Variants in COL25A1 observed in about 807,000 individuals in gnomAD.
The protein encoded by COL25A1 is collagen alpha-1(XXV) chain.
COL25A1 carries 103 observed loss-of-function variants against 128.4 expected under a neutral mutation model. The ratio of observed to expected loss-of-function variants is 0.80; its 90% CI spans 0.68 to 0.94. The LOEUF is 0.94. COL25A1 is among the 40% of genes least tolerant of loss of function. The pLI is 0.00. For synonymous variants in COL25A1, 279 were observed against 277.2 expected, an observed-to-expected ratio of 1.01 and a Z score of -0.06; for missense variants, 745 against 840.0, an observed-to-expected ratio of 0.89 and a Z score of 1.40.
chr4:109,067,872 G>T (rs1762587468), intron 3 of COL25A1, among the ~76,000 whole-genome samples: 1 of 152,222 alleles, frequency 6.6e-6, no homozygotes, highest in South Asian at 2.1e-4. Flanking sequence ...TAAAGTATGT[G>T]TTGGGAAATC....
intron 3 of COL25A1, among the ~76,000 whole-genome samples, chr4:109,197,602 C>G (rs1464946975): frequency 6.8e-6 from 1 of 146,996 alleles, no homozygotes; most frequent in South Asian, 2.1e-4. Flanking sequence ...TTTGCATGCT[C>G]TCATTGGGAA....
rs917418498 is a variant in COL25A1, at chr4:109,013,979, C to T, written c.421-3604G>A. Among the ~76,000 whole-genome samples the T allele has an allele frequency of 9.9e-5, 15 of 152,162 alleles. 1 individual carries two copies. Among genetic ancestry groups the T allele is most frequent in the Admixed American group, 9.2e-4 (14 of 15,278 alleles). ...CCCCCCTCAGCTTTAAGCTTTTGGT[C>T]TTTCTGATGTTTTGAACTACTGCAA... On this transcript the variant is annotated intron_variant, in intron 5 of 37. Transcript: ENST00000399132.
At chr4:108,974,250 G>T (rs1247124836) in intron 8 of COL25A1, 117 bp downstream of exon 8, 5 of 1,004,344 alleles carry the variant, frequency 5.0e-6, no homozygotes, top group East Asian at 2.4e-5. Context: ...TGGTATTTTT[G>T]CCAGCCATTA....
chr4:109,276,058 T>G lies in COL25A1; in HGVS notation c.367+24525A>C, dbSNP rs550405443. Among the ~76,000 whole-genome samples the G allele has an allele frequency of 7.2e-5, 11 of 152,324 alleles. No homozygotes were observed. The South Asian group carries it at 1.9e-3, about 26-fold the overall frequency. ...ATATATACTGCTGTCATAGAACTGA[T>G]AACATTTAATTATCATTACATGTTC... is the stretch of plus-strand genomic sequence containing the variant. On this transcript the variant is annotated intron_variant, in intron 3 of 37. Transcript: ENST00000399132.
chr4:109,070,750 T>C (rs1212150670), intron 3 of COL25A1, among the ~76,000 whole-genome samples: 3 of 145,674 alleles, frequency 2.1e-5, no homozygotes, highest in Non-Finnish European at 4.5e-5. Context: ...GTGTTCTCAT[T>C]GTTCAATTCC....
chr4:109,299,319 T>C (rs1561000233), intron 3 of COL25A1, among the ~76,000 whole-genome samples: 1 of 152,044 alleles, frequency 6.6e-6, no homozygotes, highest in Non-Finnish European at 1.5e-5. Flanking sequence ...TGAGATATTT[T>C]CCAACATAAA....
chr4:108,837,009 A>G (rs574462536), intron 31 of COL25A1, among the ~76,000 whole-genome samples: 1 of 151,828 alleles, frequency 6.6e-6, no homozygotes, highest in South Asian at 2.1e-4. Context: ...AACCTGGGAG[A>G]TGGAGGTTGT....
rs752910988 is a variant in COL25A1 at position 108,838,121 on chromosome 4, C to T, written c.1656+3574G>A. 5.2e-6 allele frequency: 8 copies of T among 1,549,738 alleles called. No individual in the cohort carries two copies. The South Asian group carries it at 7.1e-5, about 14-fold the overall frequency. On this transcript the variant is annotated intron_variant, in intron 31 of 37. Transcript: ENST00000399132. ...ACTGGAAGACCAAGGGGTCCTCTGTCACCCTTTTGACCTGGTTCACCCTTC... is the reference window on the plus strand; with the variant it reads ...ACTGGAAGACCAAGGGGTCCTCTGTTACCCTTTTGACCTGGTTCACCCTTC...
chr4:109,164,287 A>C (rs2126122545), intron 3 of COL25A1, among the ~76,000 whole-genome samples: 1 of 152,348 alleles, frequency 6.6e-6, no homozygotes, highest in South Asian at 2.1e-4. Context: ...AAAGGAATTT[A>C]GCATAGTGAA....
chr4:109,129,455 C>G (rs955497100), intron 3 of COL25A1, among the ~76,000 whole-genome samples: 8 of 152,054 alleles, frequency 5.3e-5, no homozygotes, highest in Non-Finnish European at 1.2e-4. Context: ...TATAATTTTT[C>G]TGTAGTTTTT....
chr4:109,105,287 A>C (rs1244464955), intron 3 of COL25A1, among the ~76,000 whole-genome samples: 1 of 152,164 alleles, frequency 6.6e-6, no homozygotes, highest in Non-Finnish European at 1.5e-5. Context: ...CAGCCTGGCC[A>C]ACATGGTGAA....
At chr4:109,022,748 A>G (rs979761663) in intron 5 of COL25A1, among the ~76,000 whole-genome samples, 2 of 152,198 alleles carry the variant, frequency 1.3e-5, no homozygotes, top group Non-Finnish European at 1.5e-5. Flanking sequence ...TTTAAAGTCA[A>G]TGAAATGAGC....
chr4:108,947,409 T>C (rs1471860689), intron 8 of COL25A1, among the ~76,000 whole-genome samples: 3 of 149,144 alleles, frequency 2.0e-5, no homozygotes, highest in Non-Finnish European at 3.0e-5. Context: ...GCTGTTGCAC[T>C]CCAGCTTGGG....
At chr4:109,146,172 A>T (rs768723128) in intron 3 of COL25A1, among the ~76,000 whole-genome samples, 3 of 152,334 alleles carry the variant, frequency 2.0e-5, no homozygotes, top group South Asian at 2.1e-4. Flanking sequence ...GGATTTTTTT[A>T]AAATCAGAAT....
intron 24 of COL25A1, among the ~76,000 whole-genome samples, chr4:108,856,814 A>T (rs1455816231): frequency 6.6e-6 from 1 of 152,176 alleles, no homozygotes; most frequent in Non-Finnish European, 1.5e-5. Flanking sequence ...TTTTTTAAAA[A>T]GTACAATGCT....
At chr4:108,972,013 C>T (rs1262142971) in intron 8 of COL25A1, among the ~76,000 whole-genome samples, 1 of 152,132 alleles carries the variant, frequency 6.6e-6, no homozygotes, top group Non-Finnish European at 1.5e-5. Context: ...TCAAGTTTTT[C>T]CAGCTTCGAT....
At chr4:109,153,342 T>C (rs887937797) in intron 3 of COL25A1, among the ~76,000 whole-genome samples, 7 of 148,340 alleles carry the variant, frequency 4.7e-5, no homozygotes, top group African/African-American at 1.8e-4. Flanking sequence ...GACCGCACCA[T>C]TGCACTCCAG....
chr4:109,080,783 G>A (rs955982735), intron 3 of COL25A1, among the ~76,000 whole-genome samples: 1 of 152,036 alleles, frequency 6.6e-6, no homozygotes, highest in Non-Finnish European at 1.5e-5. Context: ...TAAATTTTAT[G>A]AAAATTTTCT....
rs1488427455 is a variant in COL25A1, at chr4:109,050,152, C to T, written c.395G>A (p.Gly132Asp). The T allele has an allele frequency of 1.9e-6, 3 of 1,608,650 alleles. No homozygotes were observed. The highest frequency in any genetic ancestry group is 2.5e-6 in the Non-Finnish European group (3 of 1,176,574). ...AGACTTACCAGATTCTCCTCTTCGG[C>T]CTCTCTTACCTCGTTTCCCTGGAGG... ...AGPPGKRGKR[G>D]RRGESGPPGQ... The change falls in exon 4 of 38, where the codon GGC becomes GAC. Residue 132 changes from glycine (G) to aspartate (D), a missense_variant. This residue lies in a region of COL25A1 where 319 missense variants were observed against 324.9 expected (regional missense o/e 0.98). Coordinates refer to ENST00000399132, the MANE Select transcript of COL25A1 (RefSeq NM_198721.4).
Sources: gnomAD v4.1 joint callset for allele counts (sites outside exome capture counted in the v4.1 genomes callset) on GRCh38, gnomAD v4.1.1 for gene constraint, gnomAD v4.1.1 regional missense constraint, MANE v1.5 for transcripts, NCBI Gene and HGNC (gene_info 2026-07-23, HGNC 2026-07-21) for gene names.